Variants in CACNA2D3 observed in about 807,000 individuals in gnomAD.
CACNA2D3 encodes calcium voltage-gated channel auxiliary subunit alpha2delta 3, also known as voltage-dependent calcium channel subunit alpha-2/delta-3.
Under a neutral mutation model 160.6 loss-of-function variants are expected in CACNA2D3, and 60 were observed. The observed-to-expected ratio is 0.37, with a 90% confidence interval of 0.30 to 0.46. The LOEUF (loss-of-function observed/expected upper bound fraction) is 0.46, where lower values mean the gene tolerates loss of function less well. CACNA2D3 is among the 20% of genes least tolerant of loss of function. CACNA2D3 has a pLI of 1.00. For missense variants in CACNA2D3, 1,205 were observed against 1,365.0 expected (o/e 0.88, Z 1.85); for synonymous variants, 558 against 492.9 (o/e 1.13, Z -1.75).
intron 27 of CACNA2D3, among the ~76,000 whole-genome samples, chr3:54,946,926 A>G (rs1323182174): frequency 6.6e-6 from 1 of 152,210 alleles, no homozygotes; most frequent in Non-Finnish European, 1.5e-5. Context: ...CTGTGTCAAT[A>G]AAAATAGTTA....
intron 4 of CACNA2D3, among the ~76,000 whole-genome samples, chr3:54,448,691 C>T (rs1700259709): frequency 6.6e-6 from 1 of 152,230 alleles, no homozygotes; most frequent in African/African-American, 2.4e-5. Context: ...ACCAATACCC[C>T]ATGATTAAAC....
intron 11 of CACNA2D3, among the ~76,000 whole-genome samples, chr3:54,744,834 G>A (rs1454949083): frequency 6.6e-6 from 1 of 152,224 alleles, no homozygotes; most frequent in Non-Finnish European, 1.5e-5. Flanking sequence ...TGCATCCATT[G>A]TCTCATTTGC....
chr3:55,045,253 C>T (rs896149747), intron 35 of CACNA2D3, among the ~76,000 whole-genome samples: 6 of 151,982 alleles, frequency 3.9e-5, no homozygotes, highest in Non-Finnish European at 8.8e-5. Flanking sequence ...TTTCACCATG[C>T]TGGCTAGGCT....
At chr3:54,579,757 C>T (rs1242037633) in intron 8 of CACNA2D3, among the ~76,000 whole-genome samples, 2 of 152,126 alleles carry the variant, frequency 1.3e-5, no homozygotes, top group African/African-American at 2.4e-5. Context: ...AGGAGTTTTC[C>T]TTCATATTGA....
At chr3:54,986,942 T>G (rs1321854659) in intron 30 of CACNA2D3, among the ~76,000 whole-genome samples, 1 of 152,214 alleles carries the variant, frequency 6.6e-6, no homozygotes, top group African/African-American at 2.4e-5. Flanking sequence ...AGGATGTTAA[T>G]TCTTCATTCC....
At chr3:54,221,443 A>C (rs1266671720) in intron 2 of CACNA2D3, among the ~76,000 whole-genome samples, 1 of 152,242 alleles carries the variant, frequency 6.6e-6, no homozygotes, top group Non-Finnish European at 1.5e-5. Flanking sequence ...ATAATTTTGA[A>C]TGTCTAACTG....
intron 4 of CACNA2D3, among the ~76,000 whole-genome samples, chr3:54,439,435 A>G (rs1394950752): frequency 1.3e-5 from 2 of 152,100 alleles, no homozygotes; most frequent in African/African-American, 4.8e-5. Context: ...CTTAGCAACC[A>G]AGGCAGTCTC....
Position 54,837,195 on chromosome 3 carries a change from G to A in CACNA2D3, c.1435G>A (p.Val479Ile), listed in dbSNP as rs1174880579. Residue 479 changes from valine to isoleucine, a missense_variant, in exon 15 of 38, where the codon GTA becomes ATA. Val to Ile is a conservative substitution (Grantham distance 29, BLOSUM62 3). Transcript: ENST00000474759. ...TCAGGGCCCCGTCCTGATGACCACT[G>A]TAGCCATGCCTGTGTTTAGTAAGCA... ...DDQGPVLMTT[V>I]AMPVFSKQNE... 1.2e-6 allele frequency: 2 copies of A among 1,613,964 alleles called. No individual in the cohort carries two copies. The highest frequency in any genetic ancestry group is 3.3e-5 in the Admixed American group (2 of 60,028).
intron 14 of CACNA2D3, among the ~76,000 whole-genome samples, chr3:54,824,054 C>G (rs1703697635): frequency 2.0e-5 from 3 of 152,132 alleles, no homozygotes; most frequent in Non-Finnish European, 4.4e-5. Context: ...AGTGGGAAAC[C>G]CAAACTCTGT....
chr3:54,736,102 T>C (rs1312767490), intron 11 of CACNA2D3, among the ~76,000 whole-genome samples: 572 of 26,690 alleles, frequency 0.021, 63 homozygotes, highest in Non-Finnish European at 0.043. Flanking sequence ...TATATATACA[T>C]ATATATGTAT....
chr3:54,191,647 C>T (rs1700986393), intron 2 of CACNA2D3, among the ~76,000 whole-genome samples: 1 of 152,048 alleles, frequency 6.6e-6, no homozygotes, highest in Non-Finnish European at 1.5e-5. Context: ...TTCAGCCTCC[C>T]TCATGGACAG....
At chr3:54,473,305 G>T (rs1181552088) in intron 4 of CACNA2D3, among the ~76,000 whole-genome samples, 2 of 152,094 alleles carry the variant, frequency 1.3e-5, no homozygotes, top group East Asian at 3.9e-4. Flanking sequence ...TTTAATAAAT[G>T]GTGTTGGGAA....
intron 11 of CACNA2D3, among the ~76,000 whole-genome samples, chr3:54,687,286 A>G (rs1039408215): frequency 2.0e-5 from 3 of 147,134 alleles, no homozygotes; most frequent in Non-Finnish European, 4.5e-5. Flanking sequence ...GATTACAGGC[A>G]CTCACCACCA....
At chr3:54,991,319 T>G (rs531676509) in intron 31 of CACNA2D3, among the ~76,000 whole-genome samples, 10 of 149,978 alleles carry the variant, frequency 6.7e-5, no homozygotes, top group African/African-American at 2.2e-4. Flanking sequence ...GCCTTCTGGG[T>G]TCAAGCGATT....
rs1702801452 is a variant in CACNA2D3, at chr3:54,994,002, C to T, written c.2690+6249C>T. Among the ~76,000 whole-genome samples the T allele has an allele frequency of 2.0e-5, 3 of 151,400 alleles. No individual in the cohort carries two copies. In the South Asian group the frequency reaches 6.3e-4, roughly 32 times the overall value. ...TGGTGCAACACGCTTGAGCTTTTAC[C>T]TGTCCAAGGCCATTCATATTTTCCC... On this transcript the variant is annotated intron_variant, in intron 31 of 37. Coordinates refer to ENST00000474759, the MANE Select transcript of CACNA2D3 (RefSeq NM_018398.3).
chr3:54,998,847 C>T (rs1012815470), intron 31 of CACNA2D3, among the ~76,000 whole-genome samples: 7 of 151,946 alleles, frequency 4.6e-5, no homozygotes, highest in Admixed American at 1.3e-4. Flanking sequence ...CCAGGGTTCA[C>T]GCCATTCTCC....
chr3:54,607,753 T>A (rs187713582), intron 9 of CACNA2D3, among the ~76,000 whole-genome samples: 1 of 152,250 alleles, frequency 6.6e-6, no homozygotes, highest in African/African-American at 2.4e-5. Flanking sequence ...AATGAAAAAT[T>A]ATGTTTATAC....
At chr3:54,288,661 C>CA (rs1214755896) in intron 2 of CACNA2D3, among the ~76,000 whole-genome samples, 6 of 152,138 alleles carry the variant, frequency 3.9e-5, no homozygotes, top group African/African-American at 1.4e-4. Flanking sequence ...AACATTGATG[C>CA]AAATATCCTC....
intron 4 of CACNA2D3, among the ~76,000 whole-genome samples, chr3:54,453,058 C>T (rs920304267): frequency 9.9e-5 from 15 of 151,992 alleles, no homozygotes; most frequent in Admixed American, 3.3e-4. Context: ...GTGGCATGAT[C>T]ACAGCTGTCT....
Sources: allele counts gnomAD v4.1 joint callset (sites outside exome capture counted in the v4.1 genomes callset), GRCh38; gene constraint gnomAD v4.1.1; transcripts MANE v1.5; gene names NCBI Gene and HGNC (gene_info 2026-07-23, HGNC 2026-07-21).